SLC24A4: variants seen among roughly 807,000 people sequenced by gnomAD.
The protein encoded by SLC24A4 is sodium/potassium/calcium exchanger 4.
In SLC24A4, 53 loss-of-function variants were observed where a neutral mutation model predicts 79.0. The ratio of observed to expected loss-of-function variants is 0.67; its 90% CI spans 0.54 to 0.84. The LOEUF is 0.84. SLC24A4 is among the 40% of genes least tolerant of loss of function. SLC24A4 has a pLI of 0.00. For missense variants in SLC24A4, 731 were observed against 822.0 expected (o/e 0.89, Z 1.35); for synonymous variants, 323 against 323.8 (o/e 1.00, Z 0.03).
At chr14:92,374,781 T>C (rs78841568) in intron 2 of SLC24A4, among the ~76,000 whole-genome samples, 8 of 152,248 alleles carry the variant, frequency 5.3e-5, no homozygotes, top group Non-Finnish European at 1.2e-4. Flanking sequence ...AGGGGACCTT[T>C]AAATGTTGGG....
rs1319292047 is a variant in SLC24A4, at chr14:92,441,423, C to A, written c.394-666C>A. Among the ~76,000 whole-genome samples the A allele has an allele frequency of 6.6e-6, 1 of 152,232 alleles. No homozygotes were observed. Among genetic ancestry groups the A allele is most frequent in the Non-Finnish European group, 1.5e-5 (1 of 68,038 alleles). On this transcript the variant is annotated intron_variant, in intron 4 of 16. Transcript: ENST00000532405. The surrounding 1 kb of genome is among the most constrained non-coding windows in gnomAD (Gnocchi z 4.6). ...TCCCGTGCCAGCTTAACCCTGGAACCAGTACCTCTGGGTCTTTGTGAGCCA... is the reference window on the plus strand; with the variant it reads ...TCCCGTGCCAGCTTAACCCTGGAACAAGTACCTCTGGGTCTTTGTGAGCCA...
chr14:92,485,759 A>G (rs1377241109), intron 13 of SLC24A4, among the ~76,000 whole-genome samples: 1 of 152,194 alleles, frequency 6.6e-6, no homozygotes, highest in Non-Finnish European at 1.5e-5. Flanking sequence ...AGTTACAGAA[A>G]ATAACCATAT....
At chr14:92,332,693 A>G (rs548056917) in intron 2 of SLC24A4, among the ~76,000 whole-genome samples, 1 of 152,352 alleles carries the variant, frequency 6.6e-6, no homozygotes, top group Non-Finnish European at 1.5e-5. Flanking sequence ...AAATGAATCT[A>G]AATACCCATC....
Position 92,491,145 on chromosome 14 carries a change from C to T in SLC24A4, c.1538-520C>T, listed in dbSNP as rs545861715. ...TCTCTAATGGGCAAAGCAGGATCAT[C>T]GAGTTGAAAAGTTGTAAATAATGAG... On this transcript the variant is annotated intron_variant, in intron 14 of 16. Transcript: ENST00000532405. 5.9e-5 allele frequency among the ~76,000 whole-genome samples: 9 copies of T among 152,258 alleles called. 1 individual carries two copies. The highest frequency in any genetic ancestry group is 1.9e-4 in the African/African-American group (8 of 41,542).
chr14:92,443,624 G>A (rs1892629375), intron 7 of SLC24A4, 150 bp downstream of exon 7: 1 of 807,044 alleles, frequency 1.2e-6, no homozygotes, highest in African/African-American at 1.7e-5. Flanking sequence ...CGGTCACAGT[G>A]ACCAGCGCCC....
At chr14:92,324,016 G>C in intron 1 of SLC24A4, 56 bp downstream of exon 1, 2 of 1,571,896 alleles carry the variant, frequency 1.3e-6, no homozygotes. Flanking sequence ...TGGCTGGGGA[G>C]TCTCGGGGCG....
At chr14:92,467,634 C>T (rs1315410705) in intron 12 of SLC24A4, among the ~76,000 whole-genome samples, 1 of 152,114 alleles carries the variant, frequency 6.6e-6, no homozygotes, top group South Asian at 2.1e-4. Context: ...GGCCACTTGC[C>T]CTAGAAATTC....
chr14:92,464,795 G>A (rs568774963), intron 12 of SLC24A4, among the ~76,000 whole-genome samples: 5 of 152,356 alleles, frequency 3.3e-5, no homozygotes, highest in Admixed American at 1.3e-4. Flanking sequence ...TTACACGGGC[G>A]TTGTAGTGAA....
chr14:92,378,451 CTT>C, intron 2 of SLC24A4, among the ~76,000 whole-genome samples: 1 of 152,274 alleles, frequency 6.6e-6, no homozygotes, highest in Non-Finnish European at 1.5e-5. Flanking sequence ...GTTGTTGTCT[CTT>C]GTGGTTTTAA....
At chr14:92,484,602 C>T in intron 13 of SLC24A4, 1 of 985,378 alleles carries the variant, frequency 1.0e-6, no homozygotes, top group Non-Finnish European at 1.2e-6. Flanking sequence ...CCACTCCAAG[C>T]CTCCAGGACC....
intron 2 of SLC24A4, among the ~76,000 whole-genome samples, chr14:92,342,629 C>T (rs556307737): frequency 4.3e-4 from 66 of 152,252 alleles, no homozygotes; most frequent in Admixed American, 1.1e-3. Context: ...GTGATCCACC[C>T]GCCTCGGCCT....
At chr14:92,379,168 T>C (rs930944273) in intron 2 of SLC24A4, among the ~76,000 whole-genome samples, 1 of 152,174 alleles carries the variant, frequency 6.6e-6, no homozygotes, top group Non-Finnish European at 1.5e-5. Flanking sequence ...GTGTGCTTTT[T>C]AAGGGAATGA....
At chr14:92,472,343 C>T (rs868756622) in intron 12 of SLC24A4, among the ~76,000 whole-genome samples, 6 of 152,150 alleles carry the variant, frequency 3.9e-5, no homozygotes, top group Middle Eastern at 3.4e-3. Context: ...TTTTCGTGCA[C>T]GCATCACCCA....
chr14:92,369,007 G>A (rs1008302022), intron 2 of SLC24A4, among the ~76,000 whole-genome samples: 1 of 152,108 alleles, frequency 6.6e-6, no homozygotes. Context: ...TCTCTAGGGA[G>A]CCCCATCATC....
chr14:92,351,234 A>G (rs1013399955), intron 2 of SLC24A4, among the ~76,000 whole-genome samples: 11 of 130,804 alleles, frequency 8.4e-5, no homozygotes, highest in African/African-American at 3.0e-4. Flanking sequence ...ACACACATAC[A>G]CGCACACACA....
intron 14 of SLC24A4, among the ~76,000 whole-genome samples, chr14:92,487,074 G>A (rs1895408199): frequency 6.6e-6 from 1 of 152,198 alleles, no homozygotes; most frequent in South Asian, 2.1e-4. Context: ...CAGAGGCCAA[G>A]CCCAGACTTT....
intron 15 of SLC24A4, among the ~76,000 whole-genome samples, 181 bp downstream of exon 15, chr14:92,491,958 C>T (rs1413077307): frequency 6.6e-6 from 1 of 152,166 alleles, no homozygotes; most frequent in African/African-American, 2.4e-5. Context: ...CACCTCAGCC[C>T]GCTGGCGTGC....
chr14:92,415,119 A>G (rs951551479), intron 2 of SLC24A4, among the ~76,000 whole-genome samples: 1 of 152,196 alleles, frequency 6.6e-6, no homozygotes, highest in African/African-American at 2.4e-5. Flanking sequence ...ATGCACCTCC[A>G]TGGAGGCCTG....
chr14:92,434,557 C>A (rs1406047414), intron 3 of SLC24A4, among the ~76,000 whole-genome samples: 2 of 152,154 alleles, frequency 1.3e-5, no homozygotes, highest in Non-Finnish European at 2.9e-5. Flanking sequence ...ATACTCTCTC[C>A]TCATGCTGGG....
Sources: allele counts gnomAD v4.1 joint callset (sites outside exome capture counted in the v4.1 genomes callset), GRCh38; gene constraint gnomAD v4.1.1; non-coding constraint Gnocchi (gnomAD v3.1); transcripts MANE v1.5; gene names NCBI Gene and HGNC (gene_info 2026-07-23, HGNC 2026-07-21).